Variants in PCDHGA8 observed in about 807,000 individuals in gnomAD.
The protein encoded by PCDHGA8 is protocadherin gamma-A8.
A neutral mutation model predicts 59.2 loss-of-function variants in PCDHGA8; 45 were observed. That is an observed-to-expected ratio of 0.76 (90% CI 0.60 to 0.98). The LOEUF (loss-of-function observed/expected upper bound fraction) is 0.98, where lower values mean the gene tolerates loss of function less well. Among genes scored for constraint, PCDHGA8 ranks in the 50% least tolerant of loss-of-function variants. The probability of loss-of-function intolerance (pLI) is 0.00; values close to 1 mark genes in which losing one functional copy is unlikely to be tolerated. For missense variants in PCDHGA8, 1,257 were observed against 1,196.2 expected, an observed-to-expected ratio of 1.05 and a Z score of -0.75; for synonymous variants, 531 against 519.0, an observed-to-expected ratio of 1.02 and a Z score of -0.32.
chr5:141,411,285 A>C (rs2095477948), intron 1 of PCDHGA8: 1 of 152,218 alleles, frequency 6.6e-6, no homozygotes, highest in South Asian at 2.1e-4. Flanking sequence ...AAAAATATTC[A>C]GAAGACAGGC....
At position 141,419,228 on chromosome 5, in the gene PCDHGA8, T is replaced by G. The variant is rs761014077; in HGVS notation, c.2424+23991T>G. The G allele has an allele frequency of 2.5e-6, 4 of 1,613,874 alleles. No individual in the cohort carries two copies. The East Asian group carries it at 8.9e-5, about 36-fold the overall frequency. On this transcript the variant is annotated intron_variant, in intron 1 of 3. Coordinates refer to ENST00000398604, the MANE Select transcript of PCDHGA8 (RefSeq NM_032088.2). Reference sequence around the variant, plus strand: ...CGCGCCGGTTTTCGGACAGTCAGCCTACCTGGTCCACGTGCCAGAAAACAA... The same window carrying G: ...CGCGCCGGTTTTCGGACAGTCAGCCGACCTGGTCCACGTGCCAGAAAACAA...
chr5:141,422,331 T>C (rs768333038), intron 1 of PCDHGA8: 1 of 1,548,508 alleles, frequency 6.5e-7, no homozygotes, highest in South Asian at 1.3e-5. Context: ...CAGTGATTGC[T>C]CTTCTAAATG....
In PCDHGA8 at chr5:141,419,703, G is replaced by C. The variant is rs2096418539; in HGVS notation, c.2424+24466G>C. 1 of 1,612,946 alleles carries C rather than the reference G, an allele frequency of 6.2e-7. No individual in the cohort carries two copies. The highest frequency in any genetic ancestry group is 1.3e-5 in the African/African-American group (1 of 74,946). The stretch of plus-strand genomic sequence containing the variant: ...CACGTGGTGCAGGCCAGTGAGCCCG[G>C]GCTCTTCAGCCTGGGGCTGCGAACA... On this transcript the variant is annotated intron_variant, in intron 1 of 3. Coordinates refer to ENST00000398604, the MANE Select transcript of PCDHGA8 (RefSeq NM_032088.2).
chr5:141,399,719 G>C (rs773556952), intron 1 of PCDHGA8: 1 of 1,613,286 alleles, frequency 6.2e-7, no homozygotes, highest in Non-Finnish European at 8.5e-7. Context: ...CTACAGGCCC[G>C]CGACCAGGGC....
At chr5:141,499,025 G>A (rs561539084) in intron 2 of PCDHGA8, among the ~76,000 whole-genome samples, 4 of 140,712 alleles carry the variant, frequency 2.8e-5, no homozygotes, top group Admixed American at 1.4e-4. Context: ...AGGAAGGAAG[G>A]AAGAAAAGAA....
chr5:141,406,976 A>G (rs773444464), intron 1 of PCDHGA8, among the ~76,000 whole-genome samples: 12 of 152,244 alleles, frequency 7.9e-5, no homozygotes, highest in Non-Finnish European at 1.8e-4. Flanking sequence ...AGTAAATAAC[A>G]TTTCACAAGA....
At position 141,511,411 on chromosome 5, in the gene PCDHGA8, A is replaced by G; in HGVS notation, c.*238A>G. On this transcript the variant is annotated 3_prime_UTR_variant, in exon 4 of 4. Coordinates refer to ENST00000398604, the MANE Select transcript of PCDHGA8 (RefSeq NM_032088.2). ...GAACCCCCATCCAATCAACTGCTGT[A>G]CCCATGGGGGTAGTGGGGTTACTGT... The G allele has an allele frequency of 1.1e-6, 1 of 901,334 alleles. No homozygotes were observed. Among genetic ancestry groups the G allele is most frequent in the Non-Finnish European group, 1.6e-6 (1 of 617,750 alleles). The allele number at this position is 901,334 out of a possible 1,614,324, so 55.8% of individuals were successfully genotyped here. A position where few individuals can be genotyped will look rare whatever the true frequency, so the allele number is the denominator to read the frequency against.
rs777487681 is a variant in PCDHGA8, at chr5:141,432,809, T to C, written c.2424+37572T>C. 2.5e-6 allele frequency: 4 copies of C among 1,613,280 alleles called. No individual in the cohort carries two copies. In the African/African-American group the frequency reaches 5.4e-5, roughly 22 times the overall value. The stretch of plus-strand genomic sequence containing the variant: ...CGGCAGCCTCGAGTCTCCAGCTAAC[T>C]CTGAAACCTCAGACCTCACTCTGTA... On this transcript the variant is annotated intron_variant, in intron 1 of 3. Coordinates refer to ENST00000398604, the MANE Select transcript of PCDHGA8 (RefSeq NM_032088.2). The surrounding 1 kb of genome is among the most constrained non-coding windows in gnomAD (Gnocchi z 6.0).
Position 141,394,346 on chromosome 5 carries a change from C to T in PCDHGA8, c.1533C>T (p.Thr511=). The T allele has an allele frequency of 1.2e-6, 2 of 1,614,156 alleles. No individual in the cohort carries two copies. The highest frequency in any genetic ancestry group is 1.7e-6 in the Non-Finnish European group (2 of 1,180,020). ...CGTATATCTCCATCAACTCTGACAC[C>T]GGTGTCCTGTATGCGCTGCAATCTT... ...LSSYISINSD[T]GVLYALQSFD... The change falls in exon 1 of 4, where the codon ACC becomes ACT. Residue 511 remains threonine, a synonymous_variant. Transcript: ENST00000398604.
chr5:141,432,940 T>C lies in PCDHGA8; in HGVS notation c.2424+37703T>C, dbSNP rs142546730. On this transcript the variant is annotated intron_variant, in intron 1 of 3. Transcript: ENST00000398604. This position sits in a 1 kb window ranked among gnomAD's most constrained non-coding sequence, Gnocchi z 6.0. ...GGCACAAGTCACGCCTGCTGCAGGC[T>C]TCAGGAGGCGGCTTGACAGGAGCGC... 6 of 1,614,208 alleles carry C rather than the reference T, an allele frequency of 3.7e-6. No individual in the cohort carries two copies. The highest frequency in any genetic ancestry group is 4.2e-6 in the Non-Finnish European group (5 of 1,180,040).
intron 1 of PCDHGA8, among the ~76,000 whole-genome samples, chr5:141,474,726 A>G (rs549082085): frequency 6.6e-6 from 1 of 152,358 alleles, no homozygotes; most frequent in South Asian, 2.1e-4. Flanking sequence ...AAAGGACTCT[A>G]TGCAATCAAA....
Position 141,485,792 on chromosome 5 carries a change from G to T in PCDHGA8, c.2425-9015G>T, listed in dbSNP as rs114766079. 6.2e-6 allele frequency: 10 copies of T among 1,614,118 alleles called. No individual in the cohort carries two copies. In the Admixed American group the frequency reaches 1.3e-4, roughly 22 times the overall value. ...GCCTTTGGATCGAGAGAAGCAATCG[G>T]ACTACCGCCTGGTGCTGACTGCTGT... On this transcript the variant is annotated intron_variant, in intron 1 of 3. Transcript: ENST00000398604. This position sits in a 1 kb window ranked among gnomAD's most constrained non-coding sequence, Gnocchi z 5.7.
At chr5:141,459,263 C>T (rs2098964603) in intron 1 of PCDHGA8, among the ~76,000 whole-genome samples, 1 of 152,176 alleles carries the variant, frequency 6.6e-6, no homozygotes, top group South Asian at 2.1e-4. Flanking sequence ...ATTAGTGTTG[C>T]CTCTTTCAGA....
chr5:141,403,438 T>G (rs759998240), intron 1 of PCDHGA8: 12 of 1,614,054 alleles, frequency 7.4e-6, no homozygotes, highest in Non-Finnish European at 8.5e-6. Flanking sequence ...ATCCGGATGT[T>G]GGCGTGAACT....
intron 1 of PCDHGA8, among the ~76,000 whole-genome samples, chr5:141,459,949 G>T (rs1284876601): frequency 2.0e-5 from 3 of 152,124 alleles, no homozygotes; most frequent in Non-Finnish European, 4.4e-5. Context: ...GTGATGGCAG[G>T]TGCCTGTAAT....
chr5:141,401,586 A>G (rs1174763520), intron 1 of PCDHGA8, among the ~76,000 whole-genome samples: 2 of 152,228 alleles, frequency 1.3e-5, no homozygotes, highest in Admixed American at 1.3e-4. Context: ...ATCCTGACAT[A>G]TTCTTGAAGA....
chr5:141,481,066 A>G (rs1366968394), intron 1 of PCDHGA8, among the ~76,000 whole-genome samples: 1 of 152,156 alleles, frequency 6.6e-6, no homozygotes, highest in Non-Finnish European at 1.5e-5. Flanking sequence ...TCAAAAACAA[A>G]AAGAAAGAAA....
intron 1 of PCDHGA8, among the ~76,000 whole-genome samples, chr5:141,461,886 C>T (rs944110458): frequency 3.3e-5 from 5 of 151,972 alleles, no homozygotes; most frequent in South Asian, 2.1e-4. Context: ...TGCAATGGCA[C>T]GATCTCGGCT....
At position 141,476,639 on chromosome 5, in the gene PCDHGA8, A is replaced by G; in HGVS notation, c.2425-18168A>G. 1.2e-6 allele frequency: 2 copies of G among 1,614,206 alleles called. No individual in the cohort carries two copies. Among genetic ancestry groups the G allele is most frequent in the Non-Finnish European group, 1.7e-6 (2 of 1,180,038 alleles). On this transcript the variant is annotated intron_variant, in intron 1 of 3. Transcript: ENST00000398604. The surrounding 1 kb of genome is among the most constrained non-coding windows in gnomAD (Gnocchi z 7.6). ...CAACTCTTTACAAACCTATGAGCTG[A>G]GCCGAAATGAATACTTTGCGCTTCG...
Sources: gnomAD v4.1 joint callset for allele counts (sites outside exome capture counted in the v4.1 genomes callset) on GRCh38, gnomAD v4.1.1 for gene constraint, Gnocchi (gnomAD v3.1) non-coding constraint, MANE v1.5 for transcripts, NCBI Gene and HGNC (gene_info 2026-07-23, HGNC 2026-07-21) for gene names.